Variants in GCH1 observed in about 807,000 individuals in gnomAD.
GCH1 encodes GTP cyclohydrolase 1.
A neutral mutation model predicts 25.9 loss-of-function variants in GCH1; 5 were observed. The observed-to-expected ratio is 0.19, with a 90% CI of 0.10 to 0.41. GCH1 has a LOEUF of 0.41. GCH1 is among the 10% of genes least tolerant of loss of function. GCH1 has a pLI of 1.00. For synonymous variants in GCH1, 159 were observed against 129.6 expected (o/e 1.23, Z -1.54); for missense variants, 261 against 336.5 (o/e 0.78, Z 1.75).
chr14:54,880,483 C>A (rs2040233767), intron 1 of GCH1, among the ~76,000 whole-genome samples: 1 of 94,986 alleles, frequency 1.1e-5, no homozygotes, highest in African/African-American at 4.8e-5. Context: ...TATATACACT[C>A]CATATATATA....
intron 1 of GCH1, among the ~76,000 whole-genome samples, chr14:54,879,420 CAAAAAAAAAAAA>C (rs34163543): frequency 1.0e-4 from 6 of 59,904 alleles, no homozygotes; most frequent in Non-Finnish European, 1.8e-4. Context: ...GTCCCTGTCT[CAAAAAAAAAAAA>C]AAAAAAAAAA....
At chr14:54,890,963 A>G (rs2040414845) in intron 1 of GCH1, among the ~76,000 whole-genome samples, 1 of 152,166 alleles carries the variant, frequency 6.6e-6, no homozygotes, top group South Asian at 2.1e-4. Flanking sequence ...GCCAACAATC[A>G]TCTTTGTTTC....
chr14:54,846,621 A>T (rs1044094210), intron 4 of GCH1, among the ~76,000 whole-genome samples: 2 of 152,268 alleles, frequency 1.3e-5, no homozygotes, highest in Non-Finnish European at 2.9e-5. Context: ...TATGCATGAA[A>T]ATGTGAAGGA....
chr14:54,902,562 C>A lies in GCH1; in HGVS notation c.102G>T (p.Arg34Ser). The change falls in exon 1 of 6, where the codon AGG (arginine) becomes AGT (serine). Residue 34 changes from arginine (R) to serine (S), a missense_variant. Coordinates refer to ENST00000491895, the MANE Select transcript of GCH1 (RefSeq NM_000161.3). ...CGGGCCGCGGGGGCTTCTCCGCCGG[C>A]CTGCTGGGCCCGGGCCGCGGCGGAT... ...ERDPPRPGPS[R>S]PAEKPPRPEA... is the part of the protein sequence containing the mutation. The A allele has an allele frequency of 6.6e-7, 1 of 1,507,280 alleles. No homozygotes were observed. The highest frequency in any genetic ancestry group is 1.3e-5 in the South Asian group (1 of 78,172). 93.4% of individuals were successfully genotyped at this position (1,507,280 alleles called of 1,614,324 possible).
At chr14:54,884,770 C>G (rs1415126574) in intron 1 of GCH1, 1 of 135,802 alleles carries the variant, frequency 7.4e-6, no homozygotes, top group Admixed American at 7.4e-5. Flanking sequence ...AACTCTGTCT[C>G]AAAACAACAA....
rs1491222719 is a variant in GCH1 at position 54,862,377 on chromosome 14, C to CTTT, written c.454-2642_454-2641insAAA. 3.0e-4 allele frequency among the ~76,000 whole-genome samples: 35 copies of CTTT among 115,808 alleles called. 5 individuals are homozygous for CTTT. Among genetic ancestry groups the CTTT allele is most frequent in the African/African-American group, 1.2e-3 (32 of 26,678 alleles). The allele number at this position is 115,808 out of a possible 152,430, so 76.0% of individuals were successfully genotyped here. ...TCTTCAGCACCCTTATGAAGCACTACTCTTTTTTTTTTTTTTTTTTTTTTT... is the reference window on the plus strand; with the variant it reads ...TCTTCAGCACCCTTATGAAGCACTACTTTTCTTTTTTTTTTTTTTTTTTTTTTT... On this transcript the variant is annotated intron_variant, in intron 2 of 5. Transcript: ENST00000491895.
chr14:54,869,681 T>C (rs889464661), intron 1 of GCH1, among the ~76,000 whole-genome samples: 3 of 152,210 alleles, frequency 2.0e-5, no homozygotes, highest in Admixed American at 1.3e-4. Flanking sequence ...GGTTTCTCCA[T>C]GTTGGTCAGA....
chr14:54,896,234 C>G (rs2040481445), intron 1 of GCH1, among the ~76,000 whole-genome samples: 1 of 152,026 alleles, frequency 6.6e-6, no homozygotes, highest in South Asian at 2.1e-4. Context: ...ATGTTCTTAT[C>G]CAAAAACAAT....
intron 2 of GCH1, among the ~76,000 whole-genome samples, chr14:54,863,170 A>C (rs1308307109): frequency 6.6e-6 from 1 of 152,142 alleles, no homozygotes; most frequent in Admixed American, 6.5e-5. Flanking sequence ...CTGTAATCCC[A>C]GCACTTTGGG....
At chr14:54,866,869 A>C (rs2039995656) in intron 1 of GCH1, among the ~76,000 whole-genome samples, 2 of 152,200 alleles carry the variant, frequency 1.3e-5, no homozygotes, top group Admixed American at 1.3e-4. Context: ...AGACAAACAG[A>C]GACACCCCTG....
At chr14:54,889,909 A>C (rs1007413101) in intron 1 of GCH1, among the ~76,000 whole-genome samples, 1 of 152,222 alleles carries the variant, frequency 6.6e-6, no homozygotes, top group Non-Finnish European at 1.5e-5. Flanking sequence ...AAATGCCAAA[A>C]AATGTAGCAA....
At chr14:54,902,224 G>A in intron 1 of GCH1, 97 bp downstream of exon 1, 1 of 1,342,722 alleles carries the variant, frequency 7.4e-7, no homozygotes, top group Non-Finnish European at 1.0e-6. Flanking sequence ...TGCGCCAAAA[G>A]TGAGGCAACT....
chr14:54,888,885 A>C (rs1026648540), intron 1 of GCH1, among the ~76,000 whole-genome samples: 1 of 152,156 alleles, frequency 6.6e-6, no homozygotes, highest in Non-Finnish European at 1.5e-5. Flanking sequence ...CAGAATTTCC[A>C]ACATGCTAAA....
chr14:54,895,016 T>C (rs1158244577), intron 1 of GCH1, among the ~76,000 whole-genome samples: 1 of 152,232 alleles, frequency 6.6e-6, no homozygotes. Context: ...CTTCACATCT[T>C]AGAAGTTGTT....
chr14:54,900,816 G>C (rs1011240074), intron 1 of GCH1, among the ~76,000 whole-genome samples: 2 of 148,058 alleles, frequency 1.4e-5, no homozygotes, highest in African/African-American at 5.0e-5. Flanking sequence ...AAGGCCTTAA[G>C]AAGACATTTC....
At chr14:54,871,935 C>A (rs1227428873) in intron 1 of GCH1, among the ~76,000 whole-genome samples, 3 of 152,090 alleles carry the variant, frequency 2.0e-5, no homozygotes, top group Non-Finnish European at 2.9e-5. Flanking sequence ...AGGATATCAT[C>A]CAGGAGAACT....
intron 1 of GCH1, among the ~76,000 whole-genome samples, chr14:54,870,892 T>C (rs1429240603): frequency 1.3e-5 from 2 of 152,232 alleles, no homozygotes; most frequent in African/African-American, 4.8e-5. Flanking sequence ...CAAGGAGCCC[T>C]GCCTGCCTCC....
intron 1 of GCH1, among the ~76,000 whole-genome samples, chr14:54,874,157 C>T (rs1225910514): frequency 2.0e-5 from 3 of 152,204 alleles, no homozygotes; most frequent in African/African-American, 4.8e-5. Flanking sequence ...ATCAAGTGGG[C>T]TTCATCCCTG....
chr14:54,875,802 A>G (rs1203858661), intron 1 of GCH1, among the ~76,000 whole-genome samples: 1 of 152,248 alleles, frequency 6.6e-6, no homozygotes, highest in African/African-American at 2.4e-5. Flanking sequence ...ATGAGATACC[A>G]TCTTACACCA....
Sources: gnomAD v4.1 joint callset for allele counts (sites outside exome capture counted in the v4.1 genomes callset) on GRCh38, gnomAD v4.1.1 for gene constraint, MANE v1.5 for transcripts, NCBI Gene and HGNC (gene_info 2026-07-23, HGNC 2026-07-21) for gene names.